The following ZNF107 variants were observed in gnomAD, a reference collection of about 807,000 sequenced individuals.
ZNF107 encodes C2H2 type zinc-finger protein.
A neutral mutation model predicts 12.3 loss-of-function variants in ZNF107; 19 were observed. That is an observed-to-expected ratio of 1.55 (90% confidence interval 1.08 to 2.27). ZNF107 has a LOEUF of 2.27. Ranked by LOEUF, ZNF107 falls within the 30% of genes most tolerant of loss-of-function variation. The pLI is 0.00. For missense variants in ZNF107, 958 were observed against 979.9 expected (o/e 0.98, Z 0.30); for synonymous variants, 317 against 330.5 (o/e 0.96, Z 0.44).
intron 3 of ZNF107, among the ~76,000 whole-genome samples, chr7:64,692,891 GT>G (rs1435897341): frequency 6.6e-6 from 1 of 152,088 alleles, no homozygotes; most frequent in Non-Finnish European, 1.5e-5. Flanking sequence ...GTTTTGATGG[GT>G]TTTAATGTAC....
chr7:64,706,878 G>C lies in ZNF107; in HGVS notation c.781G>C (p.Glu261Gln). Residue 261 changes from glutamate to glutamine, a missense_variant, in exon 4 of 4, where the codon GAA becomes CAA. Coordinates refer to ENST00000620827, the MANE Select transcript of ZNF107 (RefSeq NM_001282359.2). ...TGAAGAGAAACCCAACAAATGTGAA[G>C]AATGTGGCAAGGCCTTTAAACAGGC... ...HTEEKPNKCE[E>Q]CGKAFKQASH... 6.2e-7 allele frequency: 1 copy of C among 1,613,450 alleles called. No homozygotes were observed. The highest frequency in any genetic ancestry group is 8.5e-7 in the Non-Finnish European group (1 of 1,179,744).
chr7:64,691,387 TCAATACA>T lies in ZNF107; in HGVS notation c.130+18_130+24del. ...CTGGTCTTTTTGGGTGAGGATAACT[TCAATACA>T]CAATTCCCAAAATACCCTTAAAGTT... On this transcript the variant is annotated intron_variant, in intron 2 of 3. Transcript: ENST00000620827. 1 of 1,438,820 alleles carries T rather than the reference TCAATACA, an allele frequency of 7.0e-7. No individual in the cohort carries two copies. The highest frequency in any genetic ancestry group is 9.1e-7 in the Non-Finnish European group (1 of 1,094,846). The allele number at this position is 1,438,820 out of a possible 1,614,324, so 89.1% of individuals were successfully genotyped here. A position where few individuals can be genotyped will look rare whatever the true frequency, so the allele number is the denominator to read the frequency against.
intron 3 of ZNF107, among the ~76,000 whole-genome samples, chr7:64,700,060 C>CAAAAA (rs57490541): frequency 0.39 from 37,597 of 96,554 alleles, 8,878 homozygotes; most frequent in African/African-American, 0.44. Context: ...GACTCCATCT[C>CAAAAA]AAAAAAAAAA....
chr7:64,690,352 C>T, intron 1 of ZNF107: 1 of 985,264 alleles, frequency 1.0e-6, no homozygotes, highest in Non-Finnish European at 1.2e-6. Context: ...GGTTTACTCC[C>T]AGCTGCAGTT....
rs1790857728 is a variant in ZNF107 at position 64,710,699 on chromosome 7, T to C, written c.*2043T>C. On this transcript the variant is annotated 3_prime_UTR_variant, in exon 4 of 4. Transcript: ENST00000620827. ...TCAAATTCATGCTCTTCATTCCTATTGTATTCACATGTGAAAGCATGTGAT... is the reference window on the plus strand; with the variant it reads ...TCAAATTCATGCTCTTCATTCCTATCGTATTCACATGTGAAAGCATGTGAT... The C allele has an allele frequency of 6.7e-6, 1 of 148,894 alleles. No homozygotes were observed. Among genetic ancestry groups the C allele is most frequent in the Non-Finnish European group, 1.5e-5 (1 of 65,498 alleles). 9.2% of individuals were successfully genotyped at this position (148,894 alleles called of 1,614,324 possible). A position where few individuals can be genotyped will look rare whatever the true frequency, so the allele number is the denominator to read the frequency against.
intron 3 of ZNF107, among the ~76,000 whole-genome samples, chr7:64,698,320 A>G (rs940093422): frequency 3.3e-5 from 5 of 152,090 alleles, no homozygotes; most frequent in African/African-American, 4.8e-5. Flanking sequence ...CTTCTATCAC[A>G]TGTGATTTGC....
Position 64,707,175 on chromosome 7 carries a change from GAGAAAATTCATACT to G in ZNF107, c.1079_1092del (p.Glu360GlyfsTer8). The G allele has an allele frequency of 1.2e-6, 2 of 1,609,842 alleles. No homozygotes were observed. The highest frequency in any genetic ancestry group is 1.7e-6 in the Non-Finnish European group (2 of 1,178,578). On this transcript the variant is annotated frameshift_variant, in exon 4 of 4. Coordinates refer to ENST00000620827, the MANE Select transcript of ZNF107 (RefSeq NM_001282359.2). LOFTEE classifies it low-confidence loss of function (END_TRUNC). Reference sequence around the variant, plus strand: ...CATATCCTCAAACCTTAATAAACAGGAGAAAATTCATACTGGAGGGAAACTCAACAAATGTGAAG... The same window carrying G: ...CATATCCTCAAACCTTAATAAACAGGGGAGGGAAACTCAACAAATGTGAAG...
At chr7:64,668,333 T>A (rs891579020) in intron 1 of ZNF107, among the ~76,000 whole-genome samples, 5 of 108,862 alleles carry the variant, frequency 4.6e-5, no homozygotes. Flanking sequence ...CAGGCCCCAG[T>A]GTGTGATGTT....
At chr7:64,679,101 G>T in intron 1 of ZNF107, 6 of 547,938 alleles carry the variant, frequency 1.1e-5, no homozygotes, top group Non-Finnish European at 1.4e-5. Flanking sequence ...AGCAGGCTTT[G>T]TGTGAGCAGT....
At chr7:64,681,719 T>C (rs1035396927) in intron 1 of ZNF107, among the ~76,000 whole-genome samples, 1 of 152,126 alleles carries the variant, frequency 6.6e-6, no homozygotes, top group East Asian at 1.9e-4. Flanking sequence ...TTTTACAACA[T>C]GGCCTCTTAG....
intron 1 of ZNF107, among the ~76,000 whole-genome samples, chr7:64,671,878 T>A (rs1472731660): frequency 1.4e-5 from 2 of 147,650 alleles, no homozygotes; most frequent in Non-Finnish European, 3.0e-5. Flanking sequence ...GCCTCCCGGG[T>A]TCAGGCCATT....
chr7:64,703,907 G>A (rs1302812573), intron 3 of ZNF107, among the ~76,000 whole-genome samples: 1 of 149,724 alleles, frequency 6.7e-6, no homozygotes, highest in Non-Finnish European at 1.5e-5. Flanking sequence ...GTATTTATAT[G>A]CTTTTCTTTC....
intron 1 of ZNF107, among the ~76,000 whole-genome samples, chr7:64,672,564 C>T (rs1789272943): frequency 6.6e-6 from 1 of 152,102 alleles, no homozygotes; most frequent in South Asian, 2.1e-4. Context: ...GGTTCTTCCA[C>T]ATTGCTCAGT....
At chr7:64,703,012 T>C (rs1281497239) in intron 3 of ZNF107, among the ~76,000 whole-genome samples, 1 of 152,238 alleles carries the variant, frequency 6.6e-6, no homozygotes, top group Non-Finnish European at 1.5e-5. Context: ...TTACTTTTTT[T>C]CTATATTCTT....
intron 1 of ZNF107, chr7:64,690,289 A>G: frequency 1.2e-6 from 1 of 859,346 alleles, no homozygotes; most frequent in Non-Finnish European, 1.4e-6. Context: ...ATTTGTTTAA[A>G]TGGCTAATTA....
chr7:64,666,598 C>G (rs528849332), intron 1 of ZNF107, among the ~76,000 whole-genome samples: 1 of 152,190 alleles, frequency 6.6e-6, no homozygotes, highest in Non-Finnish European at 1.5e-5. Context: ...CATCTCTCCC[C>G]GATTGTGCAG....
At chr7:64,683,854 C>T (rs1789788263) in intron 1 of ZNF107, among the ~76,000 whole-genome samples, 1 of 152,162 alleles carries the variant, frequency 6.6e-6, no homozygotes. Flanking sequence ...ATAAGTACCT[C>T]CTAGTTTGGG....
chr7:64,706,391 G>A lies in ZNF107; in HGVS notation c.294G>A (p.Val98=). 6.2e-7 allele frequency: 1 copy of A among 1,611,816 alleles called. No homozygotes were observed. The highest frequency in any genetic ancestry group is 8.5e-7 in the Non-Finnish European group (1 of 1,178,726). ...EQNIKDSFQK[V]TLRRYGKCEY... Reference sequence around the variant, plus strand: ...ACATAAAAGATTCTTTCCAGAAAGTGACACTGAGAAGATACGGAAAATGTG... The same window carrying A: ...ACATAAAAGATTCTTTCCAGAAAGTAACACTGAGAAGATACGGAAAATGTG... Residue 98 remains valine (V), a synonymous_variant, in exon 4 of 4, where the codon GTG becomes GTA. Transcript: ENST00000620827.
intron 3 of ZNF107, 83 bp from the exon 4 acceptor site, chr7:64,706,241 T>C: frequency 7.9e-7 from 1 of 1,261,414 alleles, no homozygotes; most frequent in Non-Finnish European, 1.0e-6. Context: ...TTATGTAGTT[T>C]GTATAATTTT....
Sources: gnomAD v4.1 joint callset for allele counts (sites outside exome capture counted in the v4.1 genomes callset) on GRCh38, gnomAD v4.1.1 for gene constraint, MANE v1.5 for transcripts, NCBI Gene and HGNC (gene_info 2026-07-23, HGNC 2026-07-21) for gene names.